ADAMTS3: variants seen among roughly 807,000 people sequenced by gnomAD.
The protein encoded by ADAMTS3 is A disintegrin and metalloproteinase with thrombospondin motifs 3.
Under a neutral mutation model 129.0 loss-of-function variants are expected in ADAMTS3, and 73 were observed. That is an observed-to-expected ratio of 0.57 (90% CI 0.47 to 0.69). ADAMTS3 has a LOEUF of 0.69. ADAMTS3 is among the 30% of genes least tolerant of loss of function. The probability of loss-of-function intolerance (pLI) is 0.00; values close to 1 mark genes in which losing one functional copy is unlikely to be tolerated. For synonymous variants in ADAMTS3, 477 were observed against 510.8 expected, an observed-to-expected ratio of 0.93 and a Z score of 0.89; for missense variants, 1,457 against 1,514.5, an observed-to-expected ratio of 0.96 and a Z score of 0.63.
intron 21 of ADAMTS3, 150 bp from the exon 22 acceptor site, chr4:72,283,854 T>A: frequency 1.7e-6 from 1 of 603,560 alleles, no homozygotes; most frequent in Admixed American, 3.4e-5. Context: ...GCATTAAAAA[T>A]ATGAATATTA....
chr4:72,489,198 G>T (rs1390754351), intron 3 of ADAMTS3, among the ~76,000 whole-genome samples: 1 of 151,876 alleles, frequency 6.6e-6, no homozygotes. Flanking sequence ...TCCCTATCTT[G>T]TTGATTGTGA....
chr4:72,458,098 T>C (rs1286527293), intron 3 of ADAMTS3, among the ~76,000 whole-genome samples: 6 of 151,566 alleles, frequency 4.0e-5, no homozygotes, highest in African/African-American at 1.5e-4. Flanking sequence ...TATTTGGAGA[T>C]GGAGGTGATG....
chr4:72,421,328 T>C (rs1722439623), intron 3 of ADAMTS3, among the ~76,000 whole-genome samples: 1 of 152,188 alleles, frequency 6.6e-6, no homozygotes, highest in Admixed American at 6.5e-5. Context: ...CCCAATTCAG[T>C]ATATAAGCTT....
intron 2 of ADAMTS3, 122 bp from the exon 3 acceptor site, chr4:72,549,006 C>A: frequency 1.3e-6 from 1 of 794,572 alleles, no homozygotes. Flanking sequence ...ATAGACATTC[C>A]TGAATCAGCT....
chr4:72,313,782 T>C lies in ADAMTS3; in HGVS notation c.1640A>G (p.Gln547Arg). ...CCCCCAATTGCCATCTTGTTTTTGC[T>C]GATTAGCATTCTTCCACATGCAATG... Reference protein sequence around the residue: ...KGHCMWKNANQQKQDGNWGSW... With the variant: ...KGHCMWKNANRQKQDGNWGSW... Residue 547 changes from glutamine to arginine, a missense_variant, in exon 12 of 22, where the codon CAG becomes CGG. By Grantham distance (43) the Gln-to-Arg change is conservative. Transcript: ENST00000286657. 1 of 1,613,872 alleles carries C rather than the reference T, an allele frequency of 6.2e-7. No homozygotes were observed. The highest frequency in any genetic ancestry group is 8.5e-7 in the Non-Finnish European group (1 of 1,179,852).
At chr4:72,385,460 A>G (rs1446713933) in intron 4 of ADAMTS3, among the ~76,000 whole-genome samples, 2 of 152,092 alleles carry the variant, frequency 1.3e-5, no homozygotes, top group Non-Finnish European at 2.9e-5. Flanking sequence ...CAGACAGTAA[A>G]CTGTGAAACA....
intron 3 of ADAMTS3, among the ~76,000 whole-genome samples, chr4:72,518,356 C>G (rs1393065527): frequency 6.6e-6 from 1 of 152,146 alleles, no homozygotes; most frequent in Non-Finnish European, 1.5e-5. Flanking sequence ...ATTAGGTACA[C>G]TTGGTGCAGA....
intron 2 of ADAMTS3, among the ~76,000 whole-genome samples, chr4:72,555,181 G>C (rs1334564452): frequency 6.6e-6 from 1 of 151,652 alleles, no homozygotes. Flanking sequence ...CACTTCAAAA[G>C]TAGAAAACAG....
At chr4:72,397,667 C>G (rs565372582) in intron 4 of ADAMTS3, among the ~76,000 whole-genome samples, 3 of 152,164 alleles carry the variant, frequency 2.0e-5, no homozygotes, top group African/African-American at 7.2e-5. Context: ...AGGAGAGAAA[C>G]TGTGAGCTGA....
chr4:72,348,210 A>C (rs1218221571), intron 4 of ADAMTS3, among the ~76,000 whole-genome samples: 1 of 152,032 alleles, frequency 6.6e-6, no homozygotes, highest in African/African-American at 2.4e-5. Flanking sequence ...CTTACATCCC[A>C]GTGATAAGAA....
chr4:72,442,290 C>T (rs554382568), intron 3 of ADAMTS3: 3 of 151,818 alleles, frequency 2.0e-5, no homozygotes, highest in Admixed American at 1.3e-4. Context: ...AAAGGAATAC[C>T]TGGGACTAAA....
At chr4:72,390,951 A>G (rs1721577597) in intron 4 of ADAMTS3, among the ~76,000 whole-genome samples, 1 of 151,778 alleles carries the variant, frequency 6.6e-6, no homozygotes, top group African/African-American at 2.4e-5. Flanking sequence ...ATATTCTGGG[A>G]AATGAAAAAT....
intron 3 of ADAMTS3, among the ~76,000 whole-genome samples, chr4:72,506,607 C>A (rs1037127169): frequency 6.6e-6 from 1 of 152,160 alleles, no homozygotes; most frequent in Admixed American, 6.5e-5. Flanking sequence ...TAGGGAAATG[C>A]TTGCAGCTCT....
chr4:72,427,127 C>A (rs969041000), intron 3 of ADAMTS3, among the ~76,000 whole-genome samples: 5 of 152,096 alleles, frequency 3.3e-5, no homozygotes, highest in African/African-American at 1.2e-4. Flanking sequence ...TTAGCAGGGA[C>A]AATTTCCAAA....
chr4:72,565,424 G>A (rs1017203365), intron 2 of ADAMTS3, among the ~76,000 whole-genome samples: 2 of 152,198 alleles, frequency 1.3e-5, no homozygotes, highest in African/African-American at 2.4e-5. Flanking sequence ...GGTTAGCAGT[G>A]TAGCAGTGCC....
rs577072793 is a variant in ADAMTS3, at chr4:72,511,564, G to A, written c.504+36914C>T. ...GAAATGCAAATTAAAACTACAATGC[G>A]ATATTATCTCACCTCAGTTAAAATG... On this transcript the variant is annotated intron_variant, in intron 3 of 21. Transcript: ENST00000286657. Among the ~76,000 whole-genome samples, 9 of 152,248 alleles carry A rather than the reference G, an allele frequency of 5.9e-5. No homozygotes were observed. In the South Asian group the frequency reaches 1.2e-3, roughly 21 times the overall value.
At position 72,443,693 on chromosome 4, in the gene ADAMTS3, G is replaced by GAA. The variant is rs35934839; in HGVS notation, c.505-28724_505-28723dup. The stretch of plus-strand genomic sequence containing the variant: ...CTGAAATCCCAAAAACGTTCGAATG[G>GAA]AAAAAAAAAAAATGGTACAAGAAAC... On this transcript the variant is annotated intron_variant, in intron 3 of 21. Transcript: ENST00000286657. Among the ~76,000 whole-genome samples, 78 of 142,918 alleles carry GAA rather than the reference G, an allele frequency of 5.5e-4. 1 individual carries two copies. The highest frequency in any genetic ancestry group is 8.9e-4 in the South Asian group (4 of 4,504). 93.8% of individuals were successfully genotyped at this position (142,918 alleles called of 152,430 possible).
chr4:72,409,462 A>G (rs953179822), intron 4 of ADAMTS3, among the ~76,000 whole-genome samples: 51 of 152,310 alleles, frequency 3.3e-4, no homozygotes, highest in African/African-American at 1.1e-3. Flanking sequence ...AAAACCTCCC[A>G]GTTCTCTTTC....
chr4:72,470,402 C>A (rs1262948588), intron 3 of ADAMTS3, among the ~76,000 whole-genome samples: 1 of 149,164 alleles, frequency 6.7e-6, no homozygotes, highest in Non-Finnish European at 1.5e-5. Context: ...CACACACACA[C>A]ACACATTTCA....
Sources: allele counts gnomAD v4.1 joint callset (sites outside exome capture counted in the v4.1 genomes callset), GRCh38; gene constraint gnomAD v4.1.1; transcripts MANE v1.5; gene names NCBI Gene and HGNC (gene_info 2026-07-23, HGNC 2026-07-21).